Variants in FYB2 observed in about 807,000 individuals in gnomAD.
FYB2 encodes the protein FYN binding protein 2, also known as FYN-binding protein 2.
FYB2 carries 103 observed loss-of-function variants against 94.1 expected under a neutral mutation model. The ratio of observed to expected loss-of-function variants is 1.09; its 90% confidence interval spans 0.93 to 1.29. The LOEUF (loss-of-function observed/expected upper bound fraction) is 1.29, where lower values mean the gene tolerates loss of function less well. FYB2 is among the 50% of genes most tolerant of loss of function. The pLI, the probability that FYB2 is intolerant of heterozygous loss-of-function variation, is 0.00. For missense variants in FYB2, 896 were observed against 841.5 expected (o/e 1.06, Z -0.80); for synonymous variants, 293 against 287.9 (o/e 1.02, Z -0.18).
chr1:56,739,508 A>G (rs1341164624), intron 13 of FYB2, among the ~76,000 whole-genome samples: 1 of 152,050 alleles, frequency 6.6e-6, no homozygotes, highest in Non-Finnish European at 1.5e-5. Flanking sequence ...AGAACAACAT[A>G]ATTCCATCTC....
chr1:56,752,478 C>A (rs1265132568), intron 8 of FYB2, among the ~76,000 whole-genome samples: 1 of 151,946 alleles, frequency 6.6e-6, no homozygotes, highest in Non-Finnish European at 1.5e-5. Context: ...AATTAATAGA[C>A]ATAAGGAGTG....
At position 56,792,529 on chromosome 1, in the gene FYB2, C is replaced by T. The variant is rs774808874; in HGVS notation, c.284G>A (p.Gly95Glu). 2.5e-6 allele frequency: 4 copies of T among 1,614,070 alleles called. No homozygotes were observed. In the South Asian group the frequency reaches 3.3e-5, roughly 13 times the overall value. The change falls in exon 2 of 20, where the codon GGG becomes GAG. Residue 95 changes from glycine to glutamate, a missense_variant. Gly to Glu is a moderately conservative substitution (Grantham distance 98). Transcript: ENST00000343433. ...SEIPKCSNSP[G>E]PLGKSTVCSA... Reference sequence around the variant, plus strand: ...ACATACAGTAGACTTTCCCAGAGGCCCTGGGGAGTTAGAACATTTTGGAAT... The same window carrying T: ...ACATACAGTAGACTTTCCCAGAGGCTCTGGGGAGTTAGAACATTTTGGAAT...
chr1:56,753,681 T>C (rs1485539669), intron 8 of FYB2, among the ~76,000 whole-genome samples, 158 bp downstream of exon 8: 2 of 152,080 alleles, frequency 1.3e-5, no homozygotes, highest in African/African-American at 4.8e-5. Context: ...GGCTGGAGCT[T>C]AGTGTCATTG....
chr1:56,779,274 A>G (rs1645954046), intron 4 of FYB2, among the ~76,000 whole-genome samples: 1 of 152,212 alleles, frequency 6.6e-6, no homozygotes, highest in South Asian at 2.1e-4. Context: ...GAGCTCAATG[A>G]TTAGTTTAAT....
intron 14 of FYB2, among the ~76,000 whole-genome samples, chr1:56,738,365 G>A (rs1430446880): frequency 6.6e-6 from 1 of 152,082 alleles, no homozygotes; most frequent in African/African-American, 2.4e-5. Context: ...TCTCTAAAAA[G>A]GGATGATAAC....
chr1:56,811,412 T>C (rs1188738028), intron 1 of FYB2, among the ~76,000 whole-genome samples: 2 of 152,210 alleles, frequency 1.3e-5, no homozygotes, highest in Non-Finnish European at 2.9e-5. Context: ...TATCTAATTA[T>C]GTGCTTACTT....
At chr1:56,784,603 C>T (rs528411028) in intron 4 of FYB2, among the ~76,000 whole-genome samples, 2 of 152,250 alleles carry the variant, frequency 1.3e-5, no homozygotes, top group African/African-American at 4.8e-5. Context: ...AGGATCCAAC[C>T]TCATCTCTTA....
At chr1:56,759,588 A>C (rs187535196) in intron 5 of FYB2, among the ~76,000 whole-genome samples, 1 of 152,298 alleles carries the variant, frequency 6.6e-6, no homozygotes, top group East Asian at 1.9e-4. Flanking sequence ...TTCATTGTTA[A>C]CTGAAACATT....
upstream of FYB2, among the ~76,000 whole-genome samples, chr1:56,820,470 T>C (rs1244596323): frequency 6.6e-6 from 1 of 152,142 alleles, no homozygotes; most frequent in Non-Finnish European, 1.5e-5. Flanking sequence ...ATGGGCAGAG[T>C]GGGTGGCCTG....
chr1:56,726,586 G>A lies in FYB2; in HGVS notation c.1794-3C>T. On this transcript the variant is annotated splice_polypyrimidine_tract_variant and splice_region_variant and intron_variant, in intron 15 of 19. Coordinates refer to ENST00000343433, the MANE Select transcript of FYB2 (RefSeq NM_001004303.5). Reference sequence around the variant, plus strand: ...ACATTTTCAGTTTATCTTCATCTCTGAGGAGAAATATATTTTGAGCAAGTA... The same window carrying A: ...ACATTTTCAGTTTATCTTCATCTCTAAGGAGAAATATATTTTGAGCAAGTA... 1 of 1,605,460 alleles carries A rather than the reference G, an allele frequency of 6.2e-7. No individual in the cohort carries two copies. Among genetic ancestry groups the A allele is most frequent in the Non-Finnish European group, 8.5e-7 (1 of 1,174,468 alleles).
At chr1:56,758,813 G>A in intron 5 of FYB2, 63 bp from the exon 6 acceptor site, 2 of 1,241,660 alleles carry the variant, frequency 1.6e-6, no homozygotes, top group Non-Finnish European at 1.1e-6. Context: ...ATAGCACCCA[G>A]GATTAAAGCA....
At chr1:56,792,034 C>T in intron 2 of FYB2, 22 bp downstream of exon 2, 1 of 1,549,160 alleles carries the variant, frequency 6.5e-7, no homozygotes, top group Non-Finnish European at 8.7e-7. Flanking sequence ...AGCCCCTGTC[C>T]CATGGGGATC....
At chr1:56,795,063 A>C (rs1459565593) in intron 1 of FYB2, among the ~76,000 whole-genome samples, 4 of 151,508 alleles carry the variant, frequency 2.6e-5, no homozygotes, top group Non-Finnish European at 5.9e-5. Flanking sequence ...ACAGTTTGGC[A>C]GTGTTATGTA....
At chr1:56,781,350 CAT>C (rs1055243390) in intron 4 of FYB2, among the ~76,000 whole-genome samples, 1 of 152,164 alleles carries the variant, frequency 6.6e-6, no homozygotes, top group Non-Finnish European at 1.5e-5. Flanking sequence ...CTTTCCCTCA[CAT>C]CTCACTCCCC....
At chr1:56,758,243 T>C (rs1645405738) in intron 6 of FYB2, among the ~76,000 whole-genome samples, 1 of 151,962 alleles carries the variant, frequency 6.6e-6, no homozygotes, top group Non-Finnish European at 1.5e-5. Context: ...GGTGAGGAAA[T>C]GGGCATTCAA....
At chr1:56,731,812 T>G (rs1253149896) in intron 15 of FYB2, 2 of 152,088 alleles carry the variant, frequency 1.3e-5, no homozygotes, top group East Asian at 3.9e-4. Context: ...TAATAAAAGC[T>G]CTCAATAAAT....
At chr1:56,802,295 T>C (rs770439018) in intron 1 of FYB2, among the ~76,000 whole-genome samples, 7 of 152,212 alleles carry the variant, frequency 4.6e-5, no homozygotes, top group Non-Finnish European at 1.0e-4. Flanking sequence ...CTTTCCATCA[T>C]TGTATCTTCG....
intron 4 of FYB2, among the ~76,000 whole-genome samples, chr1:56,784,971 C>G (rs989324845): frequency 6.6e-5 from 10 of 152,286 alleles, no homozygotes; most frequent in Non-Finnish European, 1.5e-4. Flanking sequence ...TTTTCTGGCC[C>G]CTCTTTATCT....
intron 13 of FYB2, among the ~76,000 whole-genome samples, chr1:56,739,387 A>G (rs901211105): frequency 6.6e-6 from 1 of 152,016 alleles, no homozygotes; most frequent in Non-Finnish European, 1.5e-5. Context: ...CAGGACTACA[A>G]TTTATAAACC....
Sources: gnomAD v4.1 joint callset for allele counts (sites outside exome capture counted in the v4.1 genomes callset) on GRCh38, gnomAD v4.1.1 for gene constraint, MANE v1.5 for transcripts, NCBI Gene and HGNC (gene_info 2026-07-23, HGNC 2026-07-21) for gene names.